The following SOX6 variants were observed in gnomAD, a reference collection of about 807,000 sequenced individuals.
SOX6 encodes the protein SRY-box transcription factor 6, also known as transcription factor SOX-6.
Under a neutral mutation model 97.8 loss-of-function variants are expected in SOX6, and 11 were observed. The observed-to-expected ratio is 0.11, with a 90% confidence interval of 0.07 to 0.19. The LOEUF (loss-of-function observed/expected upper bound fraction) is 0.19. Among genes scored for constraint, SOX6 ranks in the 10% least tolerant of loss-of-function variants. The probability of loss-of-function intolerance (pLI) is 1.00; values close to 1 mark genes in which losing one functional copy is unlikely to be tolerated. For missense variants in SOX6, 810 were observed against 1,039.5 expected (o/e 0.78, Z 3.04); for synonymous variants, 360 against 371.4 (o/e 0.97, Z 0.35).
chr11:16,087,346 A>C (rs1378563625), intron 9 of SOX6, among the ~76,000 whole-genome samples: 1 of 152,176 alleles, frequency 6.6e-6, no homozygotes, highest in Non-Finnish European at 1.5e-5. Flanking sequence ...TCCAATTTAC[A>C]CATCAATTAT....
intron 3 of SOX6, among the ~76,000 whole-genome samples, chr11:16,658,049 T>G (rs529719665): frequency 5.3e-5 from 8 of 152,332 alleles, no homozygotes; most frequent in African/African-American, 1.7e-4. Context: ...GCTTTGTGTA[T>G]CAAAAAGTAT....
intron 1 of SOX6, among the ~76,000 whole-genome samples, chr11:16,377,563 A>G (rs1857675185): frequency 6.6e-6 from 1 of 152,132 alleles, no homozygotes; most frequent in African/African-American, 2.4e-5. Flanking sequence ...AAAAAGAAAA[A>G]CAATTTAAGA....
At chr11:16,092,224 A>T (rs1454822435) in intron 9 of SOX6, among the ~76,000 whole-genome samples, 1 of 151,938 alleles carries the variant, frequency 6.6e-6, no homozygotes, top group Non-Finnish European at 1.5e-5. Flanking sequence ...CCTTCATTGT[A>T]TTTTTTTAAA....
At chr11:16,692,310 A>C (rs1848022116) in intron 3 of SOX6, among the ~76,000 whole-genome samples, 1 of 152,262 alleles carries the variant, frequency 6.6e-6, no homozygotes, top group African/African-American at 2.4e-5. Context: ...TCGGCCTTCC[A>C]AAGTGCTGGG....
In SOX6 at chr11:16,699,955, AC is replaced by A. The variant is rs1848080967; in HGVS notation, n.429+14874del. On this transcript the variant is annotated intron_variant and non_coding_transcript_variant, in intron 3 of 5. Transcript: ENST00000524520. ...CAAAACAAGTGGACACTAGAATTATACTGGTGAGCAAAAACAGGCTCAGTTC... is the reference window on the plus strand; with the variant it reads ...CAAAACAAGTGGACACTAGAATTATATGGTGAGCAAAAACAGGCTCAGTTC... Among the ~76,000 whole-genome samples, 3 of 152,202 alleles carry A rather than the reference AC, an allele frequency of 2.0e-5. No homozygotes were observed. The South Asian group carries it at 6.2e-4, about 32-fold the overall frequency.
At chr11:16,713,238 G>C (rs1001716507) in intron 3 of SOX6, among the ~76,000 whole-genome samples, 6 of 151,948 alleles carry the variant, frequency 3.9e-5, no homozygotes, top group Non-Finnish European at 5.9e-5. Flanking sequence ...ATTTTAACAA[G>C]CATTTACAAA....
intron 1 of SOX6, among the ~76,000 whole-genome samples, chr11:16,452,631 A>G (rs955431663): frequency 2.6e-5 from 4 of 152,208 alleles, no homozygotes; most frequent in African/African-American, 9.6e-5. Flanking sequence ...ATGGCATTTC[A>G]TTTCAATGTG....
At chr11:16,298,577 G>A (rs940548621) in intron 3 of SOX6, among the ~76,000 whole-genome samples, 2 of 151,988 alleles carry the variant, frequency 1.3e-5, no homozygotes, top group African/African-American at 4.8e-5. Flanking sequence ...AGAAACTAAG[G>A]AAATTATCTG....
intron 3 of SOX6, among the ~76,000 whole-genome samples, chr11:16,693,143 T>A (rs946272860): frequency 6.6e-6 from 1 of 152,158 alleles, no homozygotes; most frequent in Non-Finnish European, 1.5e-5. Context: ...GGTCAAATAG[T>A]AAACAATAAG....
intron 4 of SOX6, among the ~76,000 whole-genome samples, chr11:16,598,612 A>T (rs1177332909): frequency 6.6e-6 from 1 of 151,932 alleles, no homozygotes; most frequent in Non-Finnish European, 1.5e-5. Context: ...TATAAAATGT[A>T]GCATTTGCAA....
At chr11:16,046,744 C>T (rs770251631) in intron 11 of SOX6, 43 bp from the exon 12 acceptor site, 4 of 1,593,750 alleles carry the variant, frequency 2.5e-6, no homozygotes, top group Admixed American at 1.7e-5. Context: ...TGAGGTCAGA[C>T]TCCTAAAAAG....
At chr11:16,721,155 T>C (rs760863008) in intron 2 of SOX6, among the ~76,000 whole-genome samples, 1 of 152,138 alleles carries the variant, frequency 6.6e-6, no homozygotes, top group Non-Finnish European at 1.5e-5. Flanking sequence ...CAAGGACGCT[T>C]GATTAAACTT....
intron 9 of SOX6, among the ~76,000 whole-genome samples, chr11:16,090,355 C>A (rs565242882): frequency 1.3e-5 from 2 of 152,074 alleles, no homozygotes; most frequent in Admixed American, 6.6e-5. Context: ...ACTTTAAAAC[C>A]AAATAAAAAG....
At chr11:16,458,721 C>T (rs906087366) in intron 1 of SOX6, among the ~76,000 whole-genome samples, 2 of 152,168 alleles carry the variant, frequency 1.3e-5, no homozygotes, top group South Asian at 4.1e-4. Flanking sequence ...ATCCTGCTGG[C>T]TTAGACTACT....
Position 15,972,046 on chromosome 11 carries a change from A to C in SOX6, c.*763T>G, listed in dbSNP as rs1853331473. 1 of 152,690 alleles carries C rather than the reference A, an allele frequency of 6.5e-6. No individual in the cohort carries two copies. Among genetic ancestry groups the C allele is most frequent in the African/African-American group, 2.4e-5 (1 of 41,440 alleles). 9.5% of individuals were successfully genotyped at this position (152,690 alleles called of 1,614,324 possible). The stretch of plus-strand genomic sequence containing the variant: ...ACTGATGGCACGTCAACAGGCAAAC[A>C]CAATTGGGTCCATGCACTGTGGCAA... On this transcript the variant is annotated 3_prime_UTR_variant, in exon 16 of 16. Transcript: ENST00000683767.
intron 3 of SOX6, among the ~76,000 whole-genome samples, chr11:16,692,068 TGTGTGTGTGTGTGTGTGTGTGC>T (rs1848017976): frequency 7.8e-6 from 1 of 128,878 alleles, no homozygotes; most frequent in Non-Finnish European, 1.8e-5. Context: ...TGTGTGTGTG[TGTGTGTGTGTGTGTGTGTGTGC>T]GCGCGCGCGC....
chr11:16,490,397 T>G (rs1314420003), intron 4 of SOX6, among the ~76,000 whole-genome samples: 1 of 152,060 alleles, frequency 6.6e-6, no homozygotes, highest in Non-Finnish European at 1.5e-5. Flanking sequence ...ATATATATTT[T>G]AGATCACTAT....
chr11:16,126,529 G>C (rs1249088661), intron 6 of SOX6, among the ~76,000 whole-genome samples: 1 of 152,066 alleles, frequency 6.6e-6, no homozygotes, highest in Admixed American at 6.6e-5. Flanking sequence ...TAACTGACAG[G>C]TAGGAGATTA....
intron 1 of SOX6, among the ~76,000 whole-genome samples, chr11:16,385,955 T>G (rs1296772675): frequency 6.6e-6 from 1 of 152,208 alleles, no homozygotes; most frequent in Admixed American, 6.5e-5. Context: ...TTGAATTGCC[T>G]TGGGCCACAT....
Sources: gnomAD v4.1 joint callset for allele counts (sites outside exome capture counted in the v4.1 genomes callset) on GRCh38, gnomAD v4.1.1 for gene constraint, MANE v1.5 for transcripts, NCBI Gene and HGNC (gene_info 2026-07-23, HGNC 2026-07-21) for gene names.